The following GJC1 variants were observed in gnomAD, a reference collection of about 807,000 sequenced individuals.
GJC1 encodes gap junction gamma-1 protein.
In GJC1, 5 loss-of-function variants were observed where a neutral mutation model predicts 29.3. The observed-to-expected ratio is 0.17, with a 90% CI of 0.09 to 0.36. The LOEUF is 0.36. Among genes scored for constraint, GJC1 ranks in the 10% least tolerant of loss-of-function variants. The pLI is 1.00. For synonymous variants in GJC1, 177 were observed against 183.3 expected, an observed-to-expected ratio of 0.97 and a Z score of 0.28; for missense variants, 310 against 496.2, an observed-to-expected ratio of 0.62 and a Z score of 3.56.
At chr17:44,823,540 G>A (rs892139383) in intron 1 of GJC1, among the ~76,000 whole-genome samples, 3 of 150,932 alleles carry the variant, frequency 2.0e-5, no homozygotes, top group African/African-American at 7.3e-5. Flanking sequence ...GTGAGCCACC[G>A]TACCTAGCCT....
downstream of GJC1, among the ~76,000 whole-genome samples, chr17:44,795,479 C>T (rs1316328867): frequency 6.6e-6 from 1 of 152,196 alleles, no homozygotes; most frequent in Non-Finnish European, 1.5e-5. Context: ...GTGATCCACC[C>T]GACTCAGCCT....
intron 1 of GJC1, among the ~76,000 whole-genome samples, chr17:44,826,304 G>T (rs1306556309): frequency 6.6e-6 from 1 of 152,118 alleles, no homozygotes; most frequent in Non-Finnish European, 1.5e-5. Context: ...AGGCCGAGGT[G>T]GCCGGATCAT....
Position 44,830,236 on chromosome 17 carries a change from TGCCGCCGCCGCC to T in GJC1, c.-283_-272del. On this transcript the variant is annotated 5_prime_UTR_variant, in exon 1 of 3. Transcript: ENST00000592524. This position sits in a 1 kb window ranked among gnomAD's most constrained non-coding sequence, Gnocchi z 4.3. The stretch of plus-strand genomic sequence containing the variant: ...CCGAGGCAGAAGCCGCTCCCGCCGC[TGCCGCCGCCGCC>T]GCCGCCTCCCGCTCCCGCCGCCGCG... 1 of 160,600 alleles carries T rather than the reference TGCCGCCGCCGCC, an allele frequency of 6.2e-6. No homozygotes were observed. The highest frequency in any genetic ancestry group is 1.3e-5 in the Non-Finnish European group (1 of 75,816). 9.9% of individuals were successfully genotyped at this position (160,600 alleles called of 1,614,324 possible).
At chr17:44,825,989 C>T (rs58681129) in intron 1 of GJC1, among the ~76,000 whole-genome samples, 13 of 152,038 alleles carry the variant, frequency 8.6e-5, no homozygotes, top group Non-Finnish European at 1.3e-4. Context: ...GATGCGATCT[C>T]GGCTAACTGC....
intron 1 of GJC1, among the ~76,000 whole-genome samples, chr17:44,820,274 T>C (rs1462134783): frequency 1.3e-5 from 2 of 152,206 alleles, no homozygotes; most frequent in Non-Finnish European, 2.9e-5. Context: ...AAAGTGATTC[T>C]TAACCTTGAA....
In GJC1 at chr17:44,800,084, T is replaced by G. The variant is rs1221637179; in HGVS notation, c.*4543A>C. ...ATTACACATAAATGAGTTTAAATTT[T>G]ATTTCCAAACTGCATGCAGGGACTT... On this transcript the variant is annotated 3_prime_UTR_variant, in exon 3 of 3. Transcript: ENST00000592524. 2.6e-5 allele frequency: 4 copies of G among 152,210 alleles called. No homozygotes were observed. Among genetic ancestry groups the G allele is most frequent in the Non-Finnish European group, 5.9e-5 (4 of 68,036 alleles). The allele number at this position is 152,210 out of a possible 1,614,324, so 9.4% of individuals were successfully genotyped here.
At chr17:44,820,449 G>A (rs1479809832) in intron 1 of GJC1, among the ~76,000 whole-genome samples, 3 of 152,156 alleles carry the variant, frequency 2.0e-5, no homozygotes, top group African/African-American at 7.2e-5. Context: ...AACATTTGAT[G>A]AAAACTATCT....
chr17:44,826,168 C>A (rs188136805), intron 1 of GJC1, among the ~76,000 whole-genome samples: 3 of 152,148 alleles, frequency 2.0e-5, no homozygotes, highest in Non-Finnish European at 4.4e-5. Flanking sequence ...GTGATCCACC[C>A]GCCTTGGCCT....
In GJC1 at chr17:44,818,185, C is replaced by T. The variant is rs149193243; in HGVS notation, c.-96-10716G>A. Among the ~76,000 whole-genome samples, 3 of 152,132 alleles carry T rather than the reference C, an allele frequency of 2.0e-5. No homozygotes were observed. The East Asian group carries it at 5.8e-4, about 29-fold the overall frequency. On this transcript the variant is annotated intron_variant, in intron 1 of 2. Coordinates refer to ENST00000592524, the MANE Select transcript of GJC1 (RefSeq NM_005497.4). Reference sequence around the variant, plus strand: ...CTGAGATTGCGCCATTGCACTCCAGCCTGGGCGACAAGAGCGAAACTCTGT... The same window carrying T: ...CTGAGATTGCGCCATTGCACTCCAGTCTGGGCGACAAGAGCGAAACTCTGT...
At chr17:44,829,869 C>A (rs987729712) in intron 1 of GJC1, among the ~76,000 whole-genome samples, 193 bp downstream of exon 1, 1 of 151,934 alleles carries the variant, frequency 6.6e-6, no homozygotes, top group African/African-American at 2.4e-5. Context: ...CGCGGGCCGG[C>A]GACGCCCCTC....
chr17:44,810,515 C>T (rs191270072), intron 1 of GJC1, among the ~76,000 whole-genome samples: 1 of 152,108 alleles, frequency 6.6e-6, no homozygotes, highest in Non-Finnish European at 1.5e-5. Flanking sequence ...TTTCCATAGA[C>T]AATCCTAAGA....
chr17:44,823,851 A>T (rs898679008), intron 1 of GJC1, among the ~76,000 whole-genome samples: 12 of 151,156 alleles, frequency 7.9e-5, no homozygotes, highest in Admixed American at 4.6e-4. Context: ...AGCTGGGACT[A>T]CTGGCGTGTG....
intron 1 of GJC1, among the ~76,000 whole-genome samples, chr17:44,821,697 C>CAAAAAAAAAAAAAAA (rs61303163): frequency 1.0e-4 from 6 of 58,358 alleles, no homozygotes; most frequent in African/African-American, 3.1e-4. Flanking sequence ...AACTCCGTCT[C>CAAAAAAAAAAAAAAA]AAAAAAAAAA....
chr17:44,830,423 C>A (rs1002040005), upstream of GJC1, among the ~76,000 whole-genome samples: 1 of 152,012 alleles, frequency 6.6e-6, no homozygotes, highest in African/African-American at 2.4e-5. This position sits in a 1 kb window ranked among gnomAD's most constrained non-coding sequence, Gnocchi z 4.3. Context: ...CGCCAACTTT[C>A]CGCGGTCGAG....
In GJC1 at chr17:44,805,440, A is replaced by G. The variant is rs759034383; in HGVS notation, c.378T>C (p.Ala126=). The change falls in exon 3 of 3, where the codon GCT becomes GCC. Residue 126 remains alanine, a synonymous_variant. Coordinates refer to ENST00000592524, the MANE Select transcript of GJC1 (RefSeq NM_005497.4). The surrounding 1 kb of genome is among the most constrained non-coding windows in gnomAD (Gnocchi z 5.1). ...PYAMRWKQHR[A]LEETEEDNEE... Reference sequence around the variant, plus strand: ...CGTTGTCCTCCTCCGTTTCTTCCAGAGCCCGGTGTTGTTTCCAGCGCATTG... The same window carrying G: ...CGTTGTCCTCCTCCGTTTCTTCCAGGGCCCGGTGTTGTTTCCAGCGCATTG... 28 of 1,614,006 alleles carry G rather than the reference A, an allele frequency of 1.7e-5. No individual in the cohort carries two copies. Among genetic ancestry groups the G allele is most frequent in the Non-Finnish European group, 1.9e-5 (23 of 1,180,030 alleles).
At position 44,801,421 on chromosome 17, in the gene GJC1, G is replaced by C. The variant is rs2075939071; in HGVS notation, c.*3206C>G. The C allele has an allele frequency of 6.6e-6, 1 of 152,182 alleles. No homozygotes were observed. The highest frequency in any genetic ancestry group is 2.4e-5 in the African/African-American group (1 of 41,448). 9.4% of individuals were successfully genotyped at this position (152,182 alleles called of 1,614,324 possible). ...ACTTGTATTTGGAGGAGAAGCAAGT[G>C]TCATGATGGAGCATGTCTTATATGG... On this transcript the variant is annotated 3_prime_UTR_variant, in exon 3 of 3. Transcript: ENST00000592524.
intron 1 of GJC1, chr17:44,812,986 T>C (rs533978094): frequency 2.6e-5 from 4 of 152,240 alleles, no homozygotes; most frequent in African/African-American, 7.2e-5. Context: ...CATTTCTTTT[T>C]GTGTAAATGT....
chr17:44,823,052 A>T (rs935526993), intron 1 of GJC1, among the ~76,000 whole-genome samples: 2 of 152,148 alleles, frequency 1.3e-5, no homozygotes, highest in African/African-American at 4.8e-5. Flanking sequence ...GTTATAACTC[A>T]TTAGTTAAGT....
rs1290134040 is a variant in GJC1, at chr17:44,804,086, T to A, written c.*541A>T. On this transcript the variant is annotated 3_prime_UTR_variant, in exon 3 of 3. Transcript: ENST00000592524. ...AAGACTAAAAACTGGTATCTCCTCT[T>A]CAGTCTCCTTACACATCTGAAATCG... 6.6e-6 allele frequency: 1 copy of A among 152,232 alleles called. No homozygotes were observed. Among genetic ancestry groups the A allele is most frequent in the Non-Finnish European group, 1.5e-5 (1 of 68,068 alleles). The allele number at this position is 152,232 out of a possible 1,614,324, so 9.4% of individuals were successfully genotyped here.
Sources: gnomAD v4.1 joint callset for allele counts (sites outside exome capture counted in the v4.1 genomes callset) on GRCh38, gnomAD v4.1.1 for gene constraint, Gnocchi (gnomAD v3.1) non-coding constraint, MANE v1.5 for transcripts, NCBI Gene and HGNC (gene_info 2026-07-23, HGNC 2026-07-21) for gene names.